The following BBS9 variants were observed in gnomAD, a reference collection of about 807,000 sequenced individuals.
The protein encoded by BBS9 is Bardet-Biedl syndrome 9.
In BBS9, 89 loss-of-function variants were observed where a neutral mutation model predicts 117.7. That is an observed-to-expected ratio of 0.76 (90% CI 0.64 to 0.90). The LOEUF (loss-of-function observed/expected upper bound fraction) is 0.90, where lower values mean the gene tolerates loss of function less well. Ranked by LOEUF, BBS9 falls within the 40% of genes least tolerant of loss-of-function variation. BBS9 has a pLI of 0.00. For missense variants in BBS9, 982 were observed against 1,042.2 expected (o/e 0.94, Z 0.80); for synonymous variants, 379 against 370.9 (o/e 1.02, Z -0.25).
intron 1 of BBS9, among the ~76,000 whole-genome samples, chr7:33,131,348 A>G (rs1789584770): frequency 6.6e-6 from 1 of 152,208 alleles, no homozygotes; most frequent in South Asian, 2.1e-4. Context: ...CTTGTTTAAG[A>G]TCATGTAGTG....
intron 19 of BBS9, among the ~76,000 whole-genome samples, chr7:33,503,741 C>T (rs1342244877): frequency 1.3e-5 from 2 of 149,592 alleles, no homozygotes; most frequent in Non-Finnish European, 3.0e-5. Context: ...TGGTAACATT[C>T]ACAGGAAGAA....
intron 9 of BBS9, among the ~76,000 whole-genome samples, chr7:33,279,238 G>T (rs1801361789): frequency 6.6e-6 from 1 of 151,928 alleles, no homozygotes; most frequent in African/African-American, 2.4e-5. Flanking sequence ...ACCATTCCTG[G>T]CTAATTTTTT....
chr7:33,430,777 A>G (rs1834324686), intron 19 of BBS9, among the ~76,000 whole-genome samples: 1 of 152,226 alleles, frequency 6.6e-6, no homozygotes, highest in Admixed American at 6.5e-5. Flanking sequence ...TTCGATCATA[A>G]GAAATAGGGC....
intron 5 of BBS9, among the ~76,000 whole-genome samples, chr7:33,185,775 G>C (rs1467040676): frequency 6.6e-6 from 1 of 152,108 alleles, no homozygotes; most frequent in African/African-American, 2.4e-5. Flanking sequence ...TCTCAATAAA[G>C]GAATTAAACA....
chr7:33,361,083 C>T (rs1225250705), intron 16 of BBS9, among the ~76,000 whole-genome samples: 1 of 152,008 alleles, frequency 6.6e-6, no homozygotes, highest in South Asian at 2.1e-4. Context: ...GATTTTTTCA[C>T]AAGATTCCCT....
chr7:33,519,420 G>C (rs1307389434), intron 20 of BBS9, among the ~76,000 whole-genome samples: 1 of 152,150 alleles, frequency 6.6e-6, no homozygotes, highest in Non-Finnish European at 1.5e-5. Context: ...TTGTACTTCA[G>C]ATTCATTAGA....
chr7:33,565,823 ATATACCGCTATATATACTGCT>A (rs1563370199), intron 21 of BBS9, among the ~76,000 whole-genome samples: 27 of 49,450 alleles, frequency 5.5e-4, no homozygotes, highest in African/African-American at 4.9e-3. Flanking sequence ...ATATATATAT[ATATACCGCTATATATACTGCT>A]TATATATATA....
intron 21 of BBS9, among the ~76,000 whole-genome samples, chr7:33,560,000 A>G (rs906175915): frequency 6.6e-6 from 1 of 152,012 alleles, no homozygotes; most frequent in African/African-American, 2.4e-5. Flanking sequence ...GCCTAACGCC[A>G]TTCATGACTC....
intron 10 of BBS9, among the ~76,000 whole-genome samples, chr7:33,338,255 A>G (rs1815788065): frequency 6.6e-6 from 1 of 152,158 alleles, no homozygotes; most frequent in Non-Finnish European, 1.5e-5. Flanking sequence ...GGTATTTAAA[A>G]CATTTTATTT....
chr7:33,567,632 C>G (rs1486503371), intron 21 of BBS9, among the ~76,000 whole-genome samples: 2 of 152,074 alleles, frequency 1.3e-5, no homozygotes, highest in Non-Finnish European at 2.9e-5. Flanking sequence ...TTATTAGTTA[C>G]TTTCTGCATG....
intron 9 of BBS9, among the ~76,000 whole-genome samples, chr7:33,275,523 C>T (rs1209787513): frequency 2.0e-5 from 3 of 152,184 alleles, no homozygotes; most frequent in Non-Finnish European, 4.4e-5. Context: ...TCTCTTTGGT[C>T]TCTTAAGTGA....
chr7:33,527,447 G>T (rs1399802047), intron 20 of BBS9, among the ~76,000 whole-genome samples: 5 of 152,168 alleles, frequency 3.3e-5, no homozygotes, highest in Admixed American at 6.5e-5. Flanking sequence ...ATATAGTCTC[G>T]TGGTGCGCCG....
chr7:33,480,799 CAT>C (rs1842426619), intron 19 of BBS9, among the ~76,000 whole-genome samples: 1 of 151,798 alleles, frequency 6.6e-6, no homozygotes, highest in Non-Finnish European at 1.5e-5. Context: ...TATTTACCCA[CAT>C]GTTGAGGGAG....
chr7:33,538,929 G>A (rs1240544535), intron 21 of BBS9, among the ~76,000 whole-genome samples: 3 of 152,076 alleles, frequency 2.0e-5, no homozygotes, highest in Non-Finnish European at 2.9e-5. Flanking sequence ...TCAACTATAA[G>A]TAGGAAAAAT....
chr7:33,585,770 A>C (rs566323820), intron 21 of BBS9, among the ~76,000 whole-genome samples: 2 of 152,086 alleles, frequency 1.3e-5, no homozygotes, highest in Non-Finnish European at 2.9e-5. Flanking sequence ...TGGATTATCT[A>C]AAGTGTAGAT....
chr7:33,277,757 G>C (rs1243360832), intron 9 of BBS9, among the ~76,000 whole-genome samples: 2 of 152,114 alleles, frequency 1.3e-5, no homozygotes, highest in East Asian at 3.9e-4. Flanking sequence ...AGCAGTTGGT[G>C]GGTCCAGGTG....
chr7:33,130,876 A>G (rs1789492905), intron 1 of BBS9, among the ~76,000 whole-genome samples: 1 of 152,154 alleles, frequency 6.6e-6, no homozygotes, highest in Non-Finnish European at 1.5e-5. Context: ...ACAACTATAC[A>G]CTTATATTTA....
At chr7:33,308,194 T>C (rs1808443325) in intron 9 of BBS9, among the ~76,000 whole-genome samples, 1 of 152,058 alleles carries the variant, frequency 6.6e-6, no homozygotes, top group Non-Finnish European at 1.5e-5. Context: ...ACATCATTAG[T>C]AGGAAGCATA....
chr7:33,203,473 C>A (rs1208361422), intron 5 of BBS9, among the ~76,000 whole-genome samples: 2 of 152,124 alleles, frequency 1.3e-5, no homozygotes, highest in Non-Finnish European at 2.9e-5. Context: ...TTTTAGTGTA[C>A]AGAGACTTTT....
Sources: gnomAD v4.1 joint callset for allele counts (sites outside exome capture counted in the v4.1 genomes callset) on GRCh38, gnomAD v4.1.1 for gene constraint, MANE v1.5 for transcripts, NCBI Gene and HGNC (gene_info 2026-07-23, HGNC 2026-07-21) for gene names.